Variants in TSHZ2 observed in about 807,000 individuals in gnomAD.
The protein encoded by TSHZ2 is teashirt zinc finger homeobox 2.
TSHZ2 carries 21 observed loss-of-function variants against 74.4 expected under a neutral mutation model. The ratio of observed to expected loss-of-function variants is 0.28; its 90% CI spans 0.20 to 0.41. The LOEUF is 0.41. Ranked by LOEUF, TSHZ2 falls within the 10% of genes least tolerant of loss-of-function variation. The pLI is 1.00. For missense variants in TSHZ2, 1,244 were observed against 1,293.5 expected, an observed-to-expected ratio of 0.96 and a Z score of 0.59; for synonymous variants, 540 against 515.3, an observed-to-expected ratio of 1.05 and a Z score of -0.65.
intron 1 of TSHZ2, among the ~76,000 whole-genome samples, chr20:53,245,384 T>G (rs934194180): frequency 2.0e-5 from 3 of 152,182 alleles, no homozygotes; most frequent in Admixed American, 6.5e-5. Context: ...TGGTTGGTGT[T>G]TTCCAGTATA....
intron 1 of TSHZ2, among the ~76,000 whole-genome samples, chr20:53,214,218 C>T (rs757355949): frequency 1.1e-4 from 17 of 152,108 alleles, no homozygotes; most frequent in Non-Finnish European, 2.4e-4. Context: ...ATGAGCAAAA[C>T]ATACAAGATC....
At chr20:52,999,759 G>A (rs1428348140) in intron 1 of TSHZ2, among the ~76,000 whole-genome samples, 1 of 152,108 alleles carries the variant, frequency 6.6e-6, no homozygotes, top group East Asian at 1.9e-4. Context: ...GATTTCTGGG[G>A]GTGGAAAACC....
intron 2 of TSHZ2, among the ~76,000 whole-genome samples, chr20:53,433,320 T>C (rs1600634589): frequency 6.6e-6 from 1 of 152,224 alleles, no homozygotes; most frequent in East Asian, 1.9e-4. Context: ...TGAGCTATGA[T>C]CATGCCACTG....
At chr20:53,484,668 G>A (rs1034387241) in intron 2 of TSHZ2, among the ~76,000 whole-genome samples, 9 of 152,114 alleles carry the variant, frequency 5.9e-5, no homozygotes, top group Non-Finnish European at 1.0e-4. Flanking sequence ...TTACAGGCGT[G>A]CACCACCATG....
chr20:53,128,532 A>G (rs1015204646), intron 1 of TSHZ2, among the ~76,000 whole-genome samples: 2 of 152,228 alleles, frequency 1.3e-5, no homozygotes, highest in African/African-American at 4.8e-5. Flanking sequence ...AACTTAAACC[A>G]CCAAGTACCA....
intron 1 of TSHZ2, among the ~76,000 whole-genome samples, chr20:53,181,690 C>T (rs1451287458): frequency 6.6e-6 from 1 of 152,140 alleles, no homozygotes; most frequent in East Asian, 1.9e-4. Context: ...AGATTGAGAC[C>T]ATCCTGGCTA....
chr20:53,171,740 A>G (rs561362017), intron 1 of TSHZ2, among the ~76,000 whole-genome samples: 51 of 152,150 alleles, frequency 3.4e-4, no homozygotes, highest in Non-Finnish European at 5.9e-5. Flanking sequence ...TGGTATCAAA[A>G]TATATGTTTT....
At chr20:53,165,857 A>ACAAC (rs1988050979) in intron 1 of TSHZ2, among the ~76,000 whole-genome samples, 1 of 152,184 alleles carries the variant, frequency 6.6e-6, no homozygotes, top group African/African-American at 2.4e-5. Flanking sequence ...AGACTCACTC[A>ACAAC]CAACGGTGAC....
At chr20:53,355,507 A>G (rs777019068) in intron 2 of TSHZ2, among the ~76,000 whole-genome samples, 2 of 152,240 alleles carry the variant, frequency 1.3e-5, no homozygotes, top group Non-Finnish European at 2.9e-5. Flanking sequence ...GAATCCAGAC[A>G]TAAAACATAC....
chr20:52,994,995 G>A (rs1324670102), intron 1 of TSHZ2, among the ~76,000 whole-genome samples: 1 of 152,172 alleles, frequency 6.6e-6, no homozygotes, highest in Non-Finnish European at 1.5e-5. Flanking sequence ...GAGCTGTGAA[G>A]TAATTAGTTC....
At chr20:53,275,045 A>G (rs190758869) in intron 2 of TSHZ2, among the ~76,000 whole-genome samples, 1 of 152,216 alleles carries the variant, frequency 6.6e-6, no homozygotes, top group Admixed American at 6.5e-5. Context: ...AGCACGGCTT[A>G]TATTGGAAAG....
chr20:52,992,043 G>A (rs1982015458), intron 1 of TSHZ2, among the ~76,000 whole-genome samples: 2 of 152,172 alleles, frequency 1.3e-5, no homozygotes, highest in Non-Finnish European at 1.5e-5. Context: ...TGTTACACAG[G>A]ATGTCCCCTG....
chr20:53,159,646 A>C (rs1469443037), intron 1 of TSHZ2, among the ~76,000 whole-genome samples: 1 of 146,728 alleles, frequency 6.8e-6, no homozygotes, highest in African/African-American at 2.5e-5. Flanking sequence ...TTTAAAAAAC[A>C]GGAGTTAAAA....
At chr20:53,015,916 G>A (rs1983024752) in intron 1 of TSHZ2, among the ~76,000 whole-genome samples, 1 of 152,098 alleles carries the variant, frequency 6.6e-6, no homozygotes, top group African/African-American at 2.4e-5. Flanking sequence ...TGTCATGCAT[G>A]ACAAGAGGCT....
chr20:53,019,582 C>T (rs999853149), intron 1 of TSHZ2, among the ~76,000 whole-genome samples: 1 of 152,112 alleles, frequency 6.6e-6, no homozygotes, highest in African/African-American at 2.4e-5. Flanking sequence ...CATAGGTGAG[C>T]TCGTGTGATG....
intron 2 of TSHZ2, among the ~76,000 whole-genome samples, chr20:53,292,328 G>A (rs374984955): frequency 9.2e-5 from 14 of 152,236 alleles, no homozygotes; most frequent in African/African-American, 3.1e-4. Context: ...CTGCTTGTCT[G>A]GAACATTTCT....
intron 2 of TSHZ2, among the ~76,000 whole-genome samples, chr20:53,448,557 T>C (rs1984650585): frequency 6.6e-6 from 1 of 152,206 alleles, no homozygotes; most frequent in Non-Finnish European, 1.5e-5. Flanking sequence ...TAAACATCAG[T>C]TCTATCAGAT....
intron 2 of TSHZ2, chr20:53,398,801 A>C (rs1165320714): frequency 1.3e-5 from 2 of 152,172 alleles, no homozygotes; most frequent in Non-Finnish European, 2.9e-5. Flanking sequence ...ATCCTGCTCA[A>C]ATTATCAGTT....
At chr20:53,087,741 C>T (rs907301912) in intron 1 of TSHZ2, among the ~76,000 whole-genome samples, 13 of 152,152 alleles carry the variant, frequency 8.5e-5, no homozygotes, top group South Asian at 2.1e-4. Context: ...TCTATTGATT[C>T]GGCCATTGGC....
Sources: gnomAD v4.1 joint callset for allele counts (sites outside exome capture counted in the v4.1 genomes callset) on GRCh38, gnomAD v4.1.1 for gene constraint, MANE v1.5 for transcripts, NCBI Gene and HGNC (gene_info 2026-07-23, HGNC 2026-07-21) for gene names.